CFAP47: variants seen among roughly 807,000 people sequenced by gnomAD.
CFAP47 encodes cilia- and flagella-associated protein 47.
CFAP47 carries 29 observed loss-of-function variants against 148.1 expected under a neutral mutation model. The ratio of observed to expected loss-of-function variants is 0.20; its 90% CI spans 0.15 to 0.27. The LOEUF is 0.27. CFAP47 is among the 10% of genes least tolerant of loss of function. CFAP47 has a pLI of 1.00. For synonymous variants in CFAP47, 664 were observed against 577.3 expected (o/e 1.15, Z -2.15); for missense variants, 1,872 against 1,697.5 (o/e 1.10, Z -1.81).
At chrX:36,156,224 A>C (rs1334369556) in intron 37 of CFAP47, among the ~76,000 whole-genome samples, 3 of 111,068 alleles carry the variant, frequency 2.7e-5, no homozygotes, top group Non-Finnish European at 5.7e-5. Context: ...CCTAAACAAA[A>C]AAATGAGTAA....
At chrX:36,361,081 G>T (rs1238763368) in intron 60 of CFAP47, among the ~76,000 whole-genome samples, 1 of 111,254 alleles carries the variant, frequency 9.0e-6, no homozygotes, top group Non-Finnish European at 1.9e-5. Context: ...AAAGATTTAA[G>T]AGTGGTGAGA....
At chrX:36,304,691 C>T (rs1007559396) in intron 54 of CFAP47, among the ~76,000 whole-genome samples, 2 of 111,006 alleles carry the variant, frequency 1.8e-5, no homozygotes, top group African/African-American at 3.3e-5. Context: ...ATTCCTCACC[C>T]CTGACACAGA....
chrX:36,274,842 T>C (rs1940996479), intron 49 of CFAP47, among the ~76,000 whole-genome samples: 1 of 111,694 alleles, frequency 9.0e-6, no homozygotes, highest in Non-Finnish European at 1.9e-5. Flanking sequence ...TCATAACTCC[T>C]TTGCCTAGAA....
chrX:35,979,448 C>T (rs771277692), intron 15 of CFAP47, among the ~76,000 whole-genome samples: 243 of 109,945 alleles, frequency 2.2e-3, no homozygotes, highest in African/African-American at 7.5e-3. Flanking sequence ...TTCACTCCCA[C>T]TCTCTTTCTC....
chrX:35,985,930 C>T (rs757819837), intron 15 of CFAP47: 1 of 340,391 alleles, frequency 2.9e-6, no homozygotes, highest in Non-Finnish European at 5.7e-6. Flanking sequence ...TTAATCCCCA[C>T]AATGTGATTC....
chrX:36,354,412 C>A (rs1198403109), intron 60 of CFAP47, among the ~76,000 whole-genome samples: 1 of 92,959 alleles, frequency 1.1e-5, no homozygotes, highest in African/African-American at 4.2e-5. Context: ...ACCTGGGAGG[C>A]GGAGGTTGCA....
chrX:36,319,271 T>C lies in CFAP47; in HGVS notation c.8407T>C (p.Ser2803Pro). The C allele has an allele frequency of 8.9e-7, 1 of 1,120,080 alleles. No individual in the cohort carries two copies. The allele number at this position is 1,120,080 out of a possible 1,213,427, so 92.3% of individuals were successfully genotyped here. A position where few individuals can be genotyped will look rare whatever the true frequency, so the allele number is the denominator to read the frequency against. ...HCWDSFIYES[S>P]AFRFSSPSEI... Reference sequence around the variant, plus strand: ...CTGGGATAGCTTCATCTATGAGAGTTCTGCCTTCAGATTTAGTTCTCCGAG... The same window carrying C: ...CTGGGATAGCTTCATCTATGAGAGTCCTGCCTTCAGATTTAGTTCTCCGAG... The change falls in exon 57 of 64, where the codon TCT becomes CCT. Residue 2803 changes from serine to proline, a missense_variant. Physicochemically the swap from Ser to Pro is moderately conservative, Grantham distance 74 (BLOSUM62 -1). Transcript: ENST00000378653.
intron 29 of CFAP47, among the ~76,000 whole-genome samples, chrX:36,079,644 A>C (rs923057087): frequency 2.7e-5 from 3 of 111,753 alleles, no homozygotes; most frequent in African/African-American, 9.7e-5. Context: ...AGCTCGGAGA[A>C]GTTTGTTATT....
intron 33 of CFAP47, among the ~76,000 whole-genome samples, chrX:36,126,437 A>G (rs1206049178): frequency 9.0e-6 from 1 of 111,426 alleles, no homozygotes. Flanking sequence ...CATCCTTTTT[A>G]TGGCTGCATA....
intron 46 of CFAP47, among the ~76,000 whole-genome samples, chrX:36,229,577 C>T (rs1277587460): frequency 9.0e-6 from 1 of 110,831 alleles, no homozygotes; most frequent in Non-Finnish European, 1.9e-5. Context: ...ATCATTATGC[C>T]TTATGTTTAC....
At chrX:36,261,927 G>T (rs991759181) in intron 49 of CFAP47, among the ~76,000 whole-genome samples, 1 of 110,890 alleles carries the variant, frequency 9.0e-6, no homozygotes, top group East Asian at 2.9e-4. Flanking sequence ...CCCACCTCCC[G>T]GACGGGTCGG....
chrX:36,205,983 TCTGTTTA>T (rs1338458364), intron 45 of CFAP47, among the ~76,000 whole-genome samples: 3 of 111,560 alleles, frequency 2.7e-5, no homozygotes, highest in Non-Finnish European at 5.7e-5. Flanking sequence ...TACAAGATAG[TCTGTTTA>T]CTTTCCCTCC....
At chrX:36,305,968 TCA>T (rs1337939517) in intron 54 of CFAP47, among the ~76,000 whole-genome samples, 1 of 112,027 alleles carries the variant, frequency 8.9e-6, no homozygotes, top group Admixed American at 9.6e-5. Flanking sequence ...TAAATAATTA[TCA>T]CAGTTTATTG....
Position 36,098,815 on chromosome X carries a change from C to T in CFAP47, c.4939C>T (p.His1647Tyr). Residue 1647 changes from histidine (H) to tyrosine (Y), a missense_variant, in exon 31 of 64, where the codon CAT becomes TAT. By Grantham distance (83) the His-to-Tyr change is moderately conservative. Transcript: ENST00000378653. ...FLNAQGGCIS[H>Y]VLPEFLLEPE... ...TAGTGCTCAAGGAGGATGTATTTCA[C>T]ATGTCCTGCCAGAATTTTTGCTTGA... 8.4e-7 allele frequency: 1 copy of T among 1,184,388 alleles called. No homozygotes were observed. The highest frequency in any genetic ancestry group is 1.1e-6 in the Non-Finnish European group (1 of 875,378).
At chrX:36,248,981 A>G (rs781839102) in intron 48 of CFAP47, among the ~76,000 whole-genome samples, 2 of 110,476 alleles carry the variant, frequency 1.8e-5, no homozygotes, top group Non-Finnish European at 3.8e-5. Flanking sequence ...AAATGATATG[A>G]GATGAGTGAA....
intron 45 of CFAP47, among the ~76,000 whole-genome samples, chrX:36,218,757 A>C (rs73197183): frequency 0.058 from 6,503 of 112,042 alleles, 163 homozygotes; most frequent in Middle Eastern, 0.12. Context: ...GACAAGTTAC[A>C]GGGAAAGACA....
At chrX:36,277,466 G>A (rs1941030130) in intron 49 of CFAP47, among the ~76,000 whole-genome samples, 1 of 112,002 alleles carries the variant, frequency 8.9e-6, no homozygotes, top group Non-Finnish European at 1.9e-5. Context: ...TGTACCTGAG[G>A]ACAATGCATT....
chrX:36,156,723 G>A (rs1271950346), intron 37 of CFAP47, among the ~76,000 whole-genome samples: 2 of 110,586 alleles, frequency 1.8e-5, no homozygotes, highest in African/African-American at 3.3e-5. Flanking sequence ...GAAATGCCTG[G>A]AGACTTAGGA....
chrX:36,368,195 A>G (rs149440359), intron 62 of CFAP47: 11 of 112,219 alleles, frequency 9.8e-5, no homozygotes, highest in African/African-American at 3.5e-4. Context: ...TACTGTTCTT[A>G]TAGGCTGTGG....
Sources: allele counts gnomAD v4.1 joint callset (sites outside exome capture counted in the v4.1 genomes callset), GRCh38; gene constraint gnomAD v4.1.1; transcripts MANE v1.5; gene names NCBI Gene and HGNC (gene_info 2026-07-23, HGNC 2026-07-21).